The following TDRD9 variants were observed in gnomAD, a reference collection of about 807,000 sequenced individuals.
TDRD9 encodes the protein ATP-dependent RNA helicase TDRD9.
TDRD9 carries 124 observed loss-of-function variants against 172.6 expected under a neutral mutation model. The observed-to-expected ratio is 0.72, with a 90% CI of 0.62 to 0.83. The LOEUF is 0.83. TDRD9 is among the 40% of genes least tolerant of loss of function. The pLI is 0.00. For synonymous variants in TDRD9, 619 were observed against 617.1 expected (o/e 1.00, Z -0.05); for missense variants, 1,479 against 1,714.1 (o/e 0.86, Z 2.42).
intron 20 of TDRD9, among the ~76,000 whole-genome samples, chr14:104,008,697 A>G (rs4906401): frequency 0.38 from 57,140 of 151,886 alleles, 10,970 homozygotes; most frequent in African/African-American, 0.43. Flanking sequence ...TATTTCCCCT[A>G]TGTATACTTT....
In TDRD9 at chr14:103,938,436, A is replaced by ATTTTTTTTTTT. The variant is rs1483928412; in HGVS notation, c.215+9713_215+9714insTTTTTTTTTTT. ...TGTGTATATATATATATATATATAT[A>ATTTTTTTTTTT]TATATTTTTTTTTTTTTTTTGAGAT... On this transcript the variant is annotated intron_variant, in intron 1 of 35. Transcript: ENST00000409874. Among the ~76,000 whole-genome samples, 48 of 40,548 alleles carry ATTTTTTTTTTT rather than the reference A, an allele frequency of 1.2e-3. 1 individual carries two copies. Among genetic ancestry groups the ATTTTTTTTTTT allele is most frequent in the Admixed American group, 0.01 (20 of 1,942 alleles). The allele number at this position is 40,548 out of a possible 152,430, so 26.6% of individuals were successfully genotyped here.
rs773832381 is a variant in TDRD9 at position 104,038,301 on chromosome 14, C to CA, written c.3717-1889dup. 2.6e-5 allele frequency among the ~76,000 whole-genome samples: 4 copies of CA among 152,120 alleles called. No homozygotes were observed. In the East Asian group the frequency reaches 7.7e-4, roughly 29 times the overall value. ...TATGTACCCACAAAAATTAAACAAACAAAAAATTGAATGAGGGTGGATTAA... is the reference window on the plus strand; with the variant it reads ...TATGTACCCACAAAAATTAAACAAACAAAAAAATTGAATGAGGGTGGATTAA... On this transcript the variant is annotated intron_variant, in intron 32 of 35. Coordinates refer to ENST00000409874, the MANE Select transcript of TDRD9 (RefSeq NM_153046.3).
intron 1 of TDRD9, among the ~76,000 whole-genome samples, chr14:103,949,180 TGTG>T (rs2031729926): frequency 6.6e-6 from 1 of 152,218 alleles, no homozygotes; most frequent in East Asian, 1.9e-4. Flanking sequence ...TTGAAAGAAT[TGTG>T]AATAGCATGA....
At chr14:104,008,510 T>A (rs2034515811) in intron 20 of TDRD9, 44 bp downstream of exon 20, 1 of 1,207,848 alleles carries the variant, frequency 8.3e-7, no homozygotes, top group Admixed American at 1.8e-5. Flanking sequence ...TAAAGTTGAC[T>A]TATGAAATAT....
chr14:103,987,442 A>G (rs1489719962), intron 8 of TDRD9, among the ~76,000 whole-genome samples: 2 of 151,974 alleles, frequency 1.3e-5, no homozygotes, highest in Non-Finnish European at 2.9e-5. Context: ...TAGTTCTGCT[A>G]TGTTGTGTCT....
intron 7 of TDRD9, among the ~76,000 whole-genome samples, chr14:103,982,527 T>C (rs572931623): frequency 6.6e-6 from 1 of 152,362 alleles, no homozygotes; most frequent in Admixed American, 6.5e-5. Context: ...GGTGGCATCC[T>C]GGTTTTTCTG....
intron 1 of TDRD9, among the ~76,000 whole-genome samples, chr14:103,946,396 AAAC>A (rs1321587339): frequency 6.6e-6 from 1 of 152,252 alleles, no homozygotes; most frequent in Non-Finnish European, 1.5e-5. Context: ...AAATAGAAGG[AAAC>A]TACTAGCATA....
chr14:104,026,954 C>A lies in TDRD9; in HGVS notation c.3282+15C>A. The stretch of plus-strand genomic sequence containing the variant: ...ACGAGTCCAAGGTGTGTGCTTTCGC[C>A]GTTGCTGGAGCACGCGTTTGTGTGA... On this transcript the variant is annotated intron_variant, in intron 28 of 35. Transcript: ENST00000409874. The A allele has an allele frequency of 6.2e-7, 1 of 1,609,782 alleles. No individual in the cohort carries two copies. Among genetic ancestry groups the A allele is most frequent in the Admixed American group, 1.7e-5 (1 of 59,880 alleles).
intron 1 of TDRD9, among the ~76,000 whole-genome samples, chr14:103,952,691 T>C (rs2152128269): frequency 6.6e-6 from 1 of 151,440 alleles, no homozygotes; most frequent in South Asian, 2.1e-4. Context: ...TTTCTATGCG[T>C]TTCATTCTTA....
chr14:103,968,794 T>TAAAAAAAAAAAAAAAAAAAAAAAAAA (rs1475595274), intron 5 of TDRD9, among the ~76,000 whole-genome samples: 1 of 2,162 alleles, frequency 4.6e-4, no homozygotes, highest in Non-Finnish European at 1.8e-3. Context: ...AGACTCTGTC[T>TAAAAAAAAAAAAAAAAAAAAAAAAAA]CAAAAAAAAA....
At chr14:103,968,063 A>T (rs2032830641) in intron 5 of TDRD9, among the ~76,000 whole-genome samples, 1 of 152,218 alleles carries the variant, frequency 6.6e-6, no homozygotes, top group Admixed American at 6.5e-5. Context: ...TGTGTGTCTG[A>T]CATATTTCTC....
intron 13 of TDRD9, among the ~76,000 whole-genome samples, chr14:104,002,976 G>A (rs889641510): frequency 1.3e-5 from 2 of 151,984 alleles, no homozygotes; most frequent in Admixed American, 6.6e-5. Context: ...TGATCTGCCC[G>A]CCTCGGCCTC....
chr14:104,022,562 A>G (rs111462506), intron 24 of TDRD9, among the ~76,000 whole-genome samples: 87 of 152,160 alleles, frequency 5.7e-4, no homozygotes, highest in African/African-American at 2.0e-3. Flanking sequence ...CCCTGTCTGT[A>G]CTGACAATAC....
chr14:103,971,970 A>G (rs2033053192), intron 6 of TDRD9, among the ~76,000 whole-genome samples: 1 of 152,152 alleles, frequency 6.6e-6, no homozygotes, highest in Middle Eastern at 3.2e-3. Context: ...CAGCCTGGGC[A>G]ACATGGTGAA....
Position 104,032,210 on chromosome 14 carries a change from CTTT to C in TDRD9, c.3509+125_3509+127del, listed in dbSNP as rs2035304065. On this transcript the variant is annotated intron_variant, in intron 30 of 35. Transcript: ENST00000409874. Reference sequence around the variant, plus strand: ...AATGTGTTATCTTTTCTTTTCTTTTCTTTTCTTTTTTTTTGAGACAGAGTCTCA... The same window carrying C: ...AATGTGTTATCTTTTCTTTTCTTTTCTCTTTTTTTTTGAGACAGAGTCTCA... 75 of 648,216 alleles carry C rather than the reference CTTT, an allele frequency of 1.2e-4. 1 individual carries two copies. The highest frequency in any genetic ancestry group is 7.3e-4 in the South Asian group (30 of 40,924). 40.2% of individuals were successfully genotyped at this position (648,216 alleles called of 1,614,324 possible).
intron 6 of TDRD9, among the ~76,000 whole-genome samples, chr14:103,971,764 A>G (rs1475265848): frequency 1.3e-5 from 2 of 152,118 alleles, no homozygotes; most frequent in East Asian, 1.9e-4. Flanking sequence ...AAACTCTCAT[A>G]TTTTCTCCAG....
intron 28 of TDRD9, among the ~76,000 whole-genome samples, chr14:104,030,677 A>G (rs746899488): frequency 1.3e-5 from 2 of 152,204 alleles, no homozygotes; most frequent in Non-Finnish European, 2.9e-5. Context: ...ATTTCCCTAT[A>G]CTTTAATCAA....
At chr14:104,020,684 G>A (rs1208189929) in intron 23 of TDRD9, among the ~76,000 whole-genome samples, 1 of 152,172 alleles carries the variant, frequency 6.6e-6, no homozygotes, top group Admixed American at 6.5e-5. Context: ...CACCTCCCCT[G>A]CTGGGCGTCT....
chr14:104,018,833 G>C (rs1394861142), intron 23 of TDRD9, among the ~76,000 whole-genome samples: 2 of 152,120 alleles, frequency 1.3e-5, no homozygotes, highest in Non-Finnish European at 2.9e-5. Flanking sequence ...ACAAAGCTTT[G>C]TAAATAAGAA....
Sources: allele counts gnomAD v4.1 joint callset (sites outside exome capture counted in the v4.1 genomes callset), GRCh38; gene constraint gnomAD v4.1.1; transcripts MANE v1.5; gene names NCBI Gene and HGNC (gene_info 2026-07-23, HGNC 2026-07-21).